The following DMRT1 variants were observed in gnomAD, a reference collection of about 807,000 sequenced individuals.
DMRT1 encodes doublesex and mab-3 related transcription factor 1, also known as doublesex- and mab-3-related transcription factor 1.
In DMRT1, 7 loss-of-function variants were observed where a neutral mutation model predicts 32.3. That is an observed-to-expected ratio of 0.22 (90% CI 0.12 to 0.41). DMRT1 has a LOEUF of 0.41. Ranked by LOEUF, DMRT1 falls within the 10% of genes least tolerant of loss-of-function variation. The probability of loss-of-function intolerance (pLI) is 1.00; values close to 1 mark genes in which losing one functional copy is unlikely to be tolerated. For missense variants in DMRT1, 625 were observed against 500.5 expected (o/e 1.25, Z -2.37); for synonymous variants, 278 against 206.1 (o/e 1.35, Z -2.99).
intron 3 of DMRT1, among the ~76,000 whole-genome samples, chr9:900,136 C>T (rs1817515907): frequency 6.6e-6 from 1 of 152,184 alleles, no homozygotes; most frequent in Non-Finnish European, 1.5e-5. Context: ...TTTCTTGATC[C>T]CTGGAGTTGG....
At chr9:903,258 C>G (rs563830286) in intron 3 of DMRT1, among the ~76,000 whole-genome samples, 15 of 151,978 alleles carry the variant, frequency 9.9e-5, no homozygotes, top group Non-Finnish European at 1.6e-4. Context: ...AGTGAGAGTC[C>G]TTGCCCACCC....
chr9:963,938 T>G (rs771498848), intron 4 of DMRT1, among the ~76,000 whole-genome samples: 17 of 152,266 alleles, frequency 1.1e-4, no homozygotes, highest in Non-Finnish European at 2.2e-4. Context: ...TTTGTCTGCC[T>G]TGGCAGTCAG....
intron 4 of DMRT1, among the ~76,000 whole-genome samples, chr9:949,344 G>A (rs1271349680): frequency 6.8e-6 from 1 of 147,498 alleles, no homozygotes; most frequent in Non-Finnish European, 1.5e-5. Flanking sequence ...ACTGAAGCCT[G>A]GGAGAGCAAG....
chr9:963,155 T>C (rs1194458896), intron 4 of DMRT1, among the ~76,000 whole-genome samples: 1 of 152,222 alleles, frequency 6.6e-6, no homozygotes, highest in Non-Finnish European at 1.5e-5. Context: ...GAAGCACTGA[T>C]AATTTACCTG....
rs1816488842 is a variant in DMRT1, at chr9:876,101, AG to A, written c.539-17808del. ...TAGATTTGGTGGAGCAGTTAGCCCT[AG>A]GGACACAATTGAGAGCTGGGTGACA... On this transcript the variant is annotated intron_variant, in intron 2 of 4. Coordinates refer to ENST00000382276, the MANE Select transcript of DMRT1 (RefSeq NM_021951.3). Among the ~76,000 whole-genome samples, 19 of 152,298 alleles carry A rather than the reference AG, an allele frequency of 1.2e-4. No individual in the cohort carries two copies. In the South Asian group the frequency reaches 3.9e-3, roughly 32 times the overall value.
intron 4 of DMRT1, among the ~76,000 whole-genome samples, chr9:925,396 A>G (rs1818488048): frequency 6.6e-6 from 1 of 152,172 alleles, no homozygotes; most frequent in African/African-American, 2.4e-5. Flanking sequence ...TCCCTTTGCA[A>G]AACTTGAATT....
At chr9:964,966 T>G (rs546964816) in intron 4 of DMRT1, among the ~76,000 whole-genome samples, 1 of 152,202 alleles carries the variant, frequency 6.6e-6, no homozygotes, top group Non-Finnish European at 1.5e-5. Flanking sequence ...ATTAGCCTGG[T>G]GTAGGGCCCC....
chr9:877,678 CTG>C (rs934807369), intron 2 of DMRT1, among the ~76,000 whole-genome samples: 2 of 152,172 alleles, frequency 1.3e-5, no homozygotes, highest in African/African-American at 4.8e-5. Context: ...CTCTGTGTCT[CTG>C]TTCACTTTCC....
chr9:846,854 C>T, intron 1 of DMRT1, 106 bp from the exon 2 acceptor site: 1 of 1,365,192 alleles, frequency 7.3e-7, no homozygotes, highest in African/African-American at 1.4e-5. Flanking sequence ...TCAGACCTCA[C>T]CTCCAGAGCT....
chr9:913,326 G>A (rs1418067652), intron 3 of DMRT1, among the ~76,000 whole-genome samples: 2 of 152,114 alleles, frequency 1.3e-5, no homozygotes, highest in African/African-American at 2.4e-5. Flanking sequence ...GCTTATGTCG[G>A]CACCTTGCTT....
chr9:873,801 C>CT (rs1394214435), intron 2 of DMRT1, among the ~76,000 whole-genome samples: 2 of 152,020 alleles, frequency 1.3e-5, no homozygotes, highest in Non-Finnish European at 2.9e-5. Context: ...TTTGGAGAGA[C>CT]TAAGGCTAAA....
At chr9:887,912 C>T (rs1392013666) in intron 2 of DMRT1, among the ~76,000 whole-genome samples, 2 of 152,142 alleles carry the variant, frequency 1.3e-5, no homozygotes, top group African/African-American at 2.4e-5. Flanking sequence ...TTAAAGAAAG[C>T]TTTGAACATA....
intron 2 of DMRT1, among the ~76,000 whole-genome samples, chr9:849,314 G>C (rs1839041061): frequency 6.6e-6 from 1 of 152,162 alleles, no homozygotes; most frequent in Non-Finnish European, 1.5e-5. Context: ...CTAATCCTCA[G>C]AGTAATTTAG....
intron 4 of DMRT1, among the ~76,000 whole-genome samples, chr9:958,131 TTG>T (rs1485776040): frequency 6.6e-6 from 1 of 152,256 alleles, no homozygotes; most frequent in African/African-American, 2.4e-5. Context: ...CATTGAAGTT[TTG>T]TGTGTTACAT....
At chr9:842,883 CG>C (rs1200615364) in intron 1 of DMRT1, 2 of 152,332 alleles carry the variant, frequency 1.3e-5, no homozygotes, top group African/African-American at 2.4e-5. Context: ...TCCCAGAGCC[CG>C]CGTTCCAACA....
At chr9:929,735 G>C (rs966179445) in intron 4 of DMRT1, among the ~76,000 whole-genome samples, 1 of 152,048 alleles carries the variant, frequency 6.6e-6, no homozygotes, top group African/African-American at 2.4e-5. Context: ...GCCTAACAGT[G>C]ACTCTTAAAG....
At chr9:941,443 A>G (rs2129911166) in intron 4 of DMRT1, among the ~76,000 whole-genome samples, 1 of 152,148 alleles carries the variant, frequency 6.6e-6, no homozygotes, top group African/African-American at 2.4e-5. Flanking sequence ...TCACAAGAAG[A>G]CAAATACTGT....
Position 893,898 on chromosome 9 carries a change from T to A in DMRT1, c.539-14T>A. On this transcript the variant is annotated splice_polypyrimidine_tract_variant and intron_variant, in intron 2 of 4. Transcript: ENST00000382276. ...TAATACCATGTTGTATTTTTCTTTT[T>A]TCTTCCAATTTAGAGGGACGTATGG... 1 of 1,612,708 alleles carries A rather than the reference T, an allele frequency of 6.2e-7. No individual in the cohort carries two copies.
Position 968,064 on chromosome 9 carries a change from G to A in DMRT1, c.1047G>A (p.Lys349=), listed in dbSNP as rs41298220. 6.2e-7 allele frequency: 1 copy of A among 1,614,150 alleles called. No individual in the cohort carries two copies. Among genetic ancestry groups the A allele is most frequent in the Admixed American group, 1.7e-5 (1 of 60,028 alleles). ...CTCCTATTAGTAACAAGAGCACAAA[G>A]GCAGTGCTTGAATGTGAGCCTGCGT... The part of the protein sequence containing the change: ...SSSPISNKST[K]AVLECEPASE... Residue 349 remains lysine, a synonymous_variant, in exon 5 of 5, where the codon AAG becomes AAA. Coordinates refer to ENST00000382276, the MANE Select transcript of DMRT1 (RefSeq NM_021951.3).
Sources: allele counts gnomAD v4.1 joint callset (sites outside exome capture counted in the v4.1 genomes callset), GRCh38; gene constraint gnomAD v4.1.1; transcripts MANE v1.5; gene names NCBI Gene and HGNC (gene_info 2026-07-23, HGNC 2026-07-21).